FBXO15: variants seen among roughly 807,000 people sequenced by gnomAD.
FBXO15 encodes the protein F-box only protein 15.
Under a neutral mutation model 49.5 loss-of-function variants are expected in FBXO15, and 30 were observed. The ratio of observed to expected loss-of-function variants is 0.61; its 90% confidence interval spans 0.45 to 0.82. The LOEUF (loss-of-function observed/expected upper bound fraction) is 0.82. Ranked by LOEUF, FBXO15 falls within the 40% of genes least tolerant of loss-of-function variation. The probability of loss-of-function intolerance (pLI) is 0.00; values close to 1 mark genes in which losing one functional copy is unlikely to be tolerated. For missense variants in FBXO15, 591 were observed against 631.5 expected (o/e 0.94, Z 0.69); for synonymous variants, 250 against 232.7 (o/e 1.07, Z -0.68).
intron 8 of FBXO15, among the ~76,000 whole-genome samples, chr18:74,116,500 C>G (rs1018165945): frequency 6.6e-6 from 1 of 151,174 alleles, no homozygotes; most frequent in Non-Finnish European, 1.5e-5. Flanking sequence ...AATGTCCATA[C>G]AGAATGACCA....
chr18:74,110,631 A>G (rs1032386398), intron 8 of FBXO15, among the ~76,000 whole-genome samples: 9 of 149,730 alleles, frequency 6.0e-5, no homozygotes, highest in Non-Finnish European at 1.2e-4. Flanking sequence ...GAGTTGGTAG[A>G]AAAAAAAAAC....
chr18:74,126,432 A>G (rs1914714763), intron 5 of FBXO15, among the ~76,000 whole-genome samples: 1 of 152,208 alleles, frequency 6.6e-6, no homozygotes, highest in South Asian at 2.1e-4. Flanking sequence ...GCACAATACA[A>G]TCTAAAGTAG....
chr18:74,081,764 T>C (rs1474993965), intron 9 of FBXO15, among the ~76,000 whole-genome samples, 163 bp downstream of exon 9: 1 of 152,178 alleles, frequency 6.6e-6, no homozygotes, highest in Non-Finnish European at 1.5e-5. Flanking sequence ...TGGCTGTCAA[T>C]GGCTAACAGA....
intron 8 of FBXO15, among the ~76,000 whole-genome samples, chr18:74,108,547 T>A: frequency 7.0e-6 from 1 of 142,850 alleles, no homozygotes. Flanking sequence ...GAACAGAATA[T>A]CCAATAACTA....
intron 1 of FBXO15, among the ~76,000 whole-genome samples, chr18:74,144,259 A>G (rs536069074): frequency 6.6e-6 from 1 of 152,322 alleles, no homozygotes; most frequent in South Asian, 2.1e-4. Flanking sequence ...TAGAGACACC[A>G]AGGTTTAACA....
chr18:74,143,263 A>C (rs185417758), intron 1 of FBXO15, among the ~76,000 whole-genome samples: 3 of 152,340 alleles, frequency 2.0e-5, no homozygotes, highest in Admixed American at 1.3e-4. Flanking sequence ...TTTCCTCAAT[A>C]AGAAGCCAGA....
intron 8 of FBXO15, among the ~76,000 whole-genome samples, chr18:74,095,391 A>G (rs1378130977): frequency 6.6e-6 from 1 of 152,014 alleles, no homozygotes; most frequent in Non-Finnish European, 1.5e-5. Flanking sequence ...GAGACATGCA[A>G]CTCTTCACTT....
At chr18:74,131,678 A>C (rs151317319) in intron 3 of FBXO15, among the ~76,000 whole-genome samples, 34 of 152,388 alleles carry the variant, frequency 2.2e-4, no homozygotes, top group African/African-American at 7.2e-4. Flanking sequence ...AGACACAGGG[A>C]AAACTGAGGC....
At chr18:74,138,568 T>C (rs2145220848) in intron 2 of FBXO15, among the ~76,000 whole-genome samples, 1 of 152,022 alleles carries the variant, frequency 6.6e-6, no homozygotes, top group Non-Finnish European at 1.5e-5. Context: ...TCCCCACCCT[T>C]TCCCTAAGCC....
At chr18:74,096,194 GGACA>G (rs1368011613) in intron 8 of FBXO15, among the ~76,000 whole-genome samples, 2 of 152,114 alleles carry the variant, frequency 1.3e-5, no homozygotes, top group African/African-American at 4.8e-5. Context: ...ATATCCTTGA[GGACA>G]GACAAAGTCA....
intron 3 of FBXO15, among the ~76,000 whole-genome samples, chr18:74,132,433 C>T (rs559946565): frequency 3.9e-5 from 6 of 152,240 alleles, no homozygotes; most frequent in Middle Eastern, 3.4e-3. Context: ...CAAACACTGC[C>T]GCAGAGATGG....
At chr18:74,135,525 G>C (rs1376744789) in intron 3 of FBXO15, among the ~76,000 whole-genome samples, 2 of 152,178 alleles carry the variant, frequency 1.3e-5, no homozygotes, top group East Asian at 1.9e-4. Context: ...GCTGCATTCT[G>C]TAACAGCTAC....
At chr18:74,098,176 C>T (rs1913362315) in intron 8 of FBXO15, 1 of 152,102 alleles carries the variant, frequency 6.6e-6, no homozygotes, top group African/African-American at 2.4e-5. Flanking sequence ...TGAGAAAGAA[C>T]CAGAAAAACA....
intron 8 of FBXO15, among the ~76,000 whole-genome samples, chr18:74,112,553 T>C (rs1470807271): frequency 6.6e-6 from 1 of 152,216 alleles, no homozygotes; most frequent in Non-Finnish European, 1.5e-5. Flanking sequence ...TAGTTAACAT[T>C]GTGCTTTATG....
intron 8 of FBXO15, among the ~76,000 whole-genome samples, chr18:74,120,321 A>G (rs1914419848): frequency 6.6e-6 from 1 of 152,182 alleles, no homozygotes; most frequent in Admixed American, 6.5e-5. Context: ...CTCAACCGGT[A>G]TTACCTAATT....
intron 3 of FBXO15, 108 bp from the exon 4 acceptor site, chr18:74,130,766 A>C (rs1168075112): frequency 8.2e-7 from 1 of 1,221,490 alleles, no homozygotes; most frequent in Admixed American, 2.5e-5. Context: ...TTCCATGAAT[A>C]AGCCAAGCTG....
Position 74,123,375 on chromosome 18 carries a change from G to C in FBXO15, c.1131C>G (p.Thr377=). The change falls in exon 8 of 10, where the codon ACC becomes ACG. Residue 377 remains threonine, a synonymous_variant. Transcript: ENST00000419743. ...YLCGTFRNLF[T]KRGNIENGHV... ...AAACTCAATCAATTTCACCTCTCTT[G>C]GTGAAGAGATTGCGAAATGTACCAC... 1 of 1,604,950 alleles carries C rather than the reference G, an allele frequency of 6.2e-7. No homozygotes were observed. Among genetic ancestry groups the C allele is most frequent in the Non-Finnish European group, 8.5e-7 (1 of 1,177,960 alleles).
In FBXO15 at chr18:74,135,746, T is replaced by C; in HGVS notation, c.332+16A>G. The C allele has an allele frequency of 6.3e-7, 1 of 1,580,706 alleles. No individual in the cohort carries two copies. Among genetic ancestry groups the C allele is most frequent in the Non-Finnish European group, 8.6e-7 (1 of 1,166,984 alleles). ...ACTGTCATCAAAACATAACAGAGACTTGGATTTCTGCTTACTTGTCATTGG... is the reference window on the plus strand; with the variant it reads ...ACTGTCATCAAAACATAACAGAGACCTGGATTTCTGCTTACTTGTCATTGG... On this transcript the variant is annotated intron_variant, in intron 3 of 9. Transcript: ENST00000419743.
In FBXO15 at chr18:74,144,109, G is replaced by T. The variant is rs150917861; in HGVS notation, c.116+3561C>A. Among the ~76,000 whole-genome samples the T allele has an allele frequency of 5.3e-5, 8 of 152,236 alleles. No homozygotes were observed. In the South Asian group the frequency reaches 1.7e-3, roughly 32 times the overall value. On this transcript the variant is annotated intron_variant, in intron 1 of 9. Coordinates refer to ENST00000419743, the MANE Select transcript of FBXO15 (RefSeq NM_001142958.2). ...TTATATCAGTATATACTACTAGGTT[G>T]GTGCTAAAGTAATTGCGGCTTTTGC...
Sources: allele counts gnomAD v4.1 joint callset (sites outside exome capture counted in the v4.1 genomes callset), GRCh38; gene constraint gnomAD v4.1.1; transcripts MANE v1.5; gene names NCBI Gene and HGNC (gene_info 2026-07-23, HGNC 2026-07-21).